Variants in ZNF470 observed in about 807,000 individuals in gnomAD.
The protein encoded by ZNF470 is zinc finger protein 470.
In ZNF470, 13 loss-of-function variants were observed where a neutral mutation model predicts 13.9. That is an observed-to-expected ratio of 0.94 (90% confidence interval 0.61 to 1.49). The LOEUF (loss-of-function observed/expected upper bound fraction) is 1.49. Ranked by LOEUF, ZNF470 falls within the 40% of genes most tolerant of loss-of-function variation. The pLI is 0.00. For missense variants in ZNF470, 929 were observed against 857.3 expected, an observed-to-expected ratio of 1.08 and a Z score of -1.04; for synonymous variants, 293 against 282.9, an observed-to-expected ratio of 1.04 and a Z score of -0.36.
At position 56,580,241 on chromosome 19, in the gene ZNF470, G is replaced by A. The variant is rs536849985; in HGVS notation, c.*1658G>A. On this transcript the variant is annotated 3_prime_UTR_variant, in exon 6 of 6. Coordinates refer to ENST00000330619, the MANE Select transcript of ZNF470 (RefSeq NM_001001668.4). ...AAATAGTCATGATAGTCCCAAGGCA[G>A]ATATTGTTTATGATGCTTTGAGTGT... is the stretch of plus-strand genomic sequence containing the variant. 18 of 817,060 alleles carry A rather than the reference G, an allele frequency of 2.2e-5. No homozygotes were observed. Among genetic ancestry groups the A allele is most frequent in the Middle Eastern group, 6.4e-4 (1 of 1,552 alleles). The allele number at this position is 817,060 out of a possible 1,614,324, so 50.6% of individuals were successfully genotyped here.
chr19:56,568,168 A>G, intron 1 of ZNF470, 130 bp downstream of exon 1: 1 of 955,254 alleles, frequency 1.0e-6, no homozygotes, highest in Non-Finnish European at 1.2e-6. Flanking sequence ...AAGTCGAAAG[A>G]TTTGGAGGGT....
rs750932553 is a variant in ZNF470 at position 56,578,300 on chromosome 19, A to G, written c.1871A>G (p.Asn624Ser). 3.7e-6 allele frequency: 6 copies of G among 1,613,188 alleles called. No homozygotes were observed. The highest frequency in any genetic ancestry group is 2.2e-5 in the East Asian group (1 of 44,862). Residue 624 changes from asparagine to serine, a missense_variant, in exon 6 of 6, where the codon AAT (asparagine) becomes AGT (serine). By Grantham distance (46) the Asn-to-Ser change is conservative. Transcript: ENST00000330619. ...CHTGEKPYEC[N>S]VCGKAFSHRK... is the part of the protein sequence containing the mutation. ...ACTGGTGAGAAACCTTATGAATGTAATGTTTGTGGGAAAGCCTTTAGCCAT... is the reference window on the plus strand; with the variant it reads ...ACTGGTGAGAAACCTTATGAATGTAGTGTTTGTGGGAAAGCCTTTAGCCAT...
At position 56,579,438 on chromosome 19, in the gene ZNF470, C is replaced by G. The variant is rs924829613; in HGVS notation, c.*855C>G. 2.0e-6 allele frequency: 2 copies of G among 985,154 alleles called. No homozygotes were observed. The highest frequency in any genetic ancestry group is 2.4e-6 in the Non-Finnish European group (2 of 829,896). 61.0% of individuals were successfully genotyped at this position (985,154 alleles called of 1,614,324 possible). The stretch of plus-strand genomic sequence containing the variant: ...CACTGTCTCAAGGAAAAACAAAGAA[C>G]AAAAGCATTTGGTAGAATGTAGGAC... On this transcript the variant is annotated 3_prime_UTR_variant, in exon 6 of 6. Coordinates refer to ENST00000330619, the MANE Select transcript of ZNF470 (RefSeq NM_001001668.4).
chr19:56,570,453 T>C (rs2044444068), intron 3 of ZNF470, 82 bp downstream of exon 3: 1 of 1,414,610 alleles, frequency 7.1e-7, no homozygotes, highest in Non-Finnish European at 9.9e-7. Flanking sequence ...CTGAAAATAT[T>C]GTGCTTAAGA....
At position 56,582,316 on chromosome 19, in the gene ZNF470, G is replaced by C; in HGVS notation, c.*3733G>C. The C allele has an allele frequency of 1.0e-6, 1 of 985,246 alleles. No individual in the cohort carries two copies. The highest frequency in any genetic ancestry group is 1.2e-6 in the Non-Finnish European group (1 of 829,902). 61.0% of individuals were successfully genotyped at this position (985,246 alleles called of 1,614,324 possible). ...ACTGCTTGGAATAACTTAAAGTTTA[G>C]CTCTTGAATTTCTAGCATTAAGGCA... On this transcript the variant is annotated 3_prime_UTR_variant, in exon 6 of 6. Transcript: ENST00000330619.
At position 56,578,407 on chromosome 19, in the gene ZNF470, C is replaced by T. The variant is rs2044509654; in HGVS notation, c.1978C>T (p.Gln660Ter). The T allele has an allele frequency of 6.2e-7, 1 of 1,609,752 alleles. No homozygotes were observed. The highest frequency in any genetic ancestry group is 1.7e-5 in the Admixed American group (1 of 59,584). Residue 660 changes from glutamine to a stop codon, truncating the protein, a stop_gained, in exon 6 of 6, where the codon CAG (glutamine) becomes TAG (stop). Transcript: ENST00000330619. LOFTEE classifies it low-confidence loss of function (END_TRUNC). ...ECKECSKAFS[Q>*]VAHLTLHKRI... Reference sequence around the variant, plus strand: ...TAAGGAATGTAGCAAAGCCTTCAGCCAGGTTGCCCATCTTACTCTACATAA... The same window carrying T: ...TAAGGAATGTAGCAAAGCCTTCAGCTAGGTTGCCCATCTTACTCTACATAA...
At position 56,574,479 on chromosome 19, in the gene ZNF470, A is replaced by T. The variant is rs765719682; in HGVS notation, c.146A>T (p.Lys49Met). The T allele has an allele frequency of 1.1e-5, 17 of 1,613,844 alleles. No homozygotes were observed. Among genetic ancestry groups the T allele is most frequent in the Non-Finnish European group, 1.4e-5 (16 of 1,179,828 alleles). The change falls in exon 4 of 6, where the codon AAG becomes ATG. Residue 49 changes from lysine to methionine, a missense_variant. Coordinates refer to ENST00000330619, the MANE Select transcript of ZNF470 (RefSeq NM_001001668.4). ...WLNLAQRSLY[K>M]KVMLENYRNL... is the part of the protein sequence containing the mutation. ...AATCTTGCTCAGAGAAGTTTGTACAAGAAGGTGATGTTAGAAAACTACAGG... is the reference window on the plus strand; with the variant it reads ...AATCTTGCTCAGAGAAGTTTGTACATGAAGGTGATGTTAGAAAACTACAGG...
chr19:56,574,642 T>G lies in ZNF470; in HGVS notation c.192T>G (p.Leu64=), dbSNP rs2044476857. The G allele has an allele frequency of 6.2e-7, 1 of 1,613,330 alleles. No homozygotes were observed. The highest frequency in any genetic ancestry group is 1.3e-5 in the African/African-American group (1 of 74,998). ...TATATGTCTTTTTACATGCAGGTCT[T>G]TGCATTTCTAAACCAGATGTGATCT... is the stretch of plus-strand genomic sequence containing the variant. ...ENYRNLVSVG[L]CISKPDVISL... Residue 64 remains leucine (L), a synonymous_variant, in exon 5 of 6, where the codon CTT becomes CTG. Coordinates refer to ENST00000330619, the MANE Select transcript of ZNF470 (RefSeq NM_001001668.4).
In ZNF470 at chr19:56,572,340, C is replaced by CA. The variant is rs564410370; in HGVS notation, c.60+2001dup. Among the ~76,000 whole-genome samples, 50 of 16,408 alleles carry CA rather than the reference C, an allele frequency of 3.0e-3. 12 individuals are homozygous for CA. Among genetic ancestry groups the CA allele is most frequent in the Non-Finnish European group, 3.7e-3 (45 of 12,114 alleles). 10.8% of individuals were successfully genotyped at this position (16,408 alleles called of 152,430 possible). On this transcript the variant is annotated intron_variant, in intron 3 of 5. Transcript: ENST00000330619. The stretch of plus-strand genomic sequence containing the variant: ...CCAACATGGTGAAACCCTGTCTCTA[C>CA]AAAAAAAAAAAAAAAAAAAAAAAAA...
rs1410658235 is a variant in ZNF470, at chr19:56,578,051, A to T, written c.1622A>T (p.Glu541Val). 3.1e-6 allele frequency: 5 copies of T among 1,613,898 alleles called. No individual in the cohort carries two copies. Among genetic ancestry groups the T allele is most frequent in the Non-Finnish European group, 4.2e-6 (5 of 1,180,014 alleles). Residue 541 changes from glutamate (E) to valine (V), a missense_variant, in exon 6 of 6, where the codon GAA becomes GTA. By Grantham distance (121) the Glu-to-Val change is moderately radical (BLOSUM62 -2). Transcript: ENST00000330619. The part of the protein sequence containing the change: ...HTGEKPYECK[E>V]CGKAFSQIAH... ...GGGGAGAAACCTTATGAATGTAAGG[A>T]ATGTGGTAAGGCCTTCAGTCAGATT...
chr19:56,578,548 C>G lies in ZNF470; in HGVS notation c.2119C>G (p.Leu707Val), dbSNP rs747332942. 2 of 1,569,992 alleles carry G rather than the reference C, an allele frequency of 1.3e-6. No individual in the cohort carries two copies. The highest frequency in any genetic ancestry group is 1.2e-5 in the South Asian group (1 of 83,920). Residue 707 changes from leucine (L) to valine (V), a missense_variant, in exon 6 of 6, where the codon CTC (leucine) becomes GTC (valine). By Grantham distance (32) the Leu-to-Val change is conservative. Transcript: ENST00000330619. ...RIHTGESSVI[L>V]SSALPYHQVL ...TCATACCGGAGAGTCATCAGTTATT[C>G]TCTCCTCTGCCCTCCCATACCACCA...
chr19:56,572,971 T>C (rs999641097), intron 3 of ZNF470, among the ~76,000 whole-genome samples: 6 of 152,226 alleles, frequency 3.9e-5, no homozygotes, highest in African/African-American at 1.4e-4. Flanking sequence ...AAATATTATA[T>C]GTAAATACAA....
In ZNF470 at chr19:56,579,517, AGATT is replaced by A. The variant is rs771527792; in HGVS notation, c.*935_*938del. The A allele has an allele frequency of 4.7e-5, 46 of 985,326 alleles. No individual in the cohort carries two copies. Among genetic ancestry groups the A allele is most frequent in the Middle Eastern group, 5.2e-4 (1 of 1,936 alleles). The allele number at this position is 985,326 out of a possible 1,614,324, so 61.0% of individuals were successfully genotyped here. A position where few individuals can be genotyped will look rare whatever the true frequency, so the allele number is the denominator to read the frequency against. ...AGTAACAAGCCAAAAAAACTTGAATAGATTAATAGCCATGAAACACTGAAAAGGG... is the reference window on the plus strand; with the variant it reads ...AGTAACAAGCCAAAAAAACTTGAATAAATAGCCATGAAACACTGAAAAGGG... On this transcript the variant is annotated 3_prime_UTR_variant, in exon 6 of 6. Transcript: ENST00000330619.
At position 56,577,779 on chromosome 19, in the gene ZNF470, G is replaced by A. The variant is rs1326146410; in HGVS notation, c.1350G>A (p.Glu450=). 2 of 1,613,652 alleles carry A rather than the reference G, an allele frequency of 1.2e-6. No homozygotes were observed. The highest frequency in any genetic ancestry group is 2.7e-5 in the African/African-American group (2 of 74,820). The part of the protein sequence containing the change: ...LTVHQRIHTG[E]KPYECNICEK... ...TACATCAGAGAATTCATACAGGAGA[G>A]AAACCTTATGAATGCAATATCTGTG... The change falls in exon 6 of 6, where the codon GAG becomes GAA. Residue 450 remains glutamate (E), a synonymous_variant. Transcript: ENST00000330619.
rs779344154 is a variant in ZNF470 at position 56,581,422 on chromosome 19, C to T, written c.*2839C>T. On this transcript the variant is annotated 3_prime_UTR_variant, in exon 6 of 6. Transcript: ENST00000330619. ...TGTATATACCCTTTGAATTAATATT[C>T]CTTGGAAACCAACATATACAAAGGT... 5 of 966,740 alleles carry T rather than the reference C, an allele frequency of 5.2e-6. No homozygotes were observed. The highest frequency in any genetic ancestry group is 1.8e-5 in the African/African-American group (1 of 56,792). The allele number at this position is 966,740 out of a possible 1,614,324, so 59.9% of individuals were successfully genotyped here.
At chr19:56,573,956 A>G (rs1301898611) in intron 3 of ZNF470, 1 of 984,936 alleles carries the variant, frequency 1.0e-6, no homozygotes, top group Non-Finnish European at 1.2e-6. Flanking sequence ...CTTAGAAAAT[A>G]TTGTGGAGAT....
chr19:56,570,467 C>A, intron 3 of ZNF470, 96 bp downstream of exon 3: 1 of 1,204,334 alleles, frequency 8.3e-7, no homozygotes, highest in Non-Finnish European at 1.2e-6. Flanking sequence ...CTTAAGAGTT[C>A]CACCCTGAGG....
rs576707092 is a variant in ZNF470, at chr19:56,578,506, G to A, written c.2077G>A (p.Ala693Thr). 3.1e-6 allele frequency: 5 copies of A among 1,605,640 alleles called. No homozygotes were observed. In the South Asian group the frequency reaches 3.3e-5, roughly 11 times the overall value. ...GKAFRQSVHL[A>T]HHQRIHTGES... ...AGCCTTCAGGCAGAGTGTACATCTT[G>A]CTCATCATCAGCGAATTCATACCGG... Residue 693 changes from alanine to threonine, a missense_variant, in exon 6 of 6, where the codon GCT (alanine) becomes ACT (threonine). By Grantham distance (58) the Ala-to-Thr change is moderately conservative. Transcript: ENST00000330619.
Position 56,578,978 on chromosome 19 carries a change from C to A in ZNF470, c.*395C>A. 1.0e-6 allele frequency: 1 copy of A among 992,948 alleles called. No homozygotes were observed. Among genetic ancestry groups the A allele is most frequent in the African/African-American group, 1.7e-5 (1 of 57,622 alleles). 61.5% of individuals were successfully genotyped at this position (992,948 alleles called of 1,614,324 possible). A position where few individuals can be genotyped will look rare whatever the true frequency, so the allele number is the denominator to read the frequency against. Reference sequence around the variant, plus strand: ...ATTTTAGAGCAGACAGAAGACTACTCTCCTGGTAGAGAGGAAAGATGAACA... The same window carrying A: ...ATTTTAGAGCAGACAGAAGACTACTATCCTGGTAGAGAGGAAAGATGAACA... On this transcript the variant is annotated 3_prime_UTR_variant, in exon 6 of 6. Coordinates refer to ENST00000330619, the MANE Select transcript of ZNF470 (RefSeq NM_001001668.4).
Sources: gnomAD v4.1 joint callset for allele counts (sites outside exome capture counted in the v4.1 genomes callset) on GRCh38, gnomAD v4.1.1 for gene constraint, MANE v1.5 for transcripts, NCBI Gene and HGNC (gene_info 2026-07-23, HGNC 2026-07-21) for gene names.